Variants in ZDHHC14 observed in about 807,000 individuals in gnomAD.
ZDHHC14 encodes palmitoyltransferase ZDHHC14.
In ZDHHC14, 16 loss-of-function variants were observed where a neutral mutation model predicts 47.7. The observed-to-expected ratio is 0.34, with a 90% confidence interval of 0.23 to 0.51. The LOEUF (loss-of-function observed/expected upper bound fraction) is 0.51. Ranked by LOEUF, ZDHHC14 falls within the 20% of genes least tolerant of loss-of-function variation. The pLI is 0.97. For missense variants in ZDHHC14, 515 were observed against 662.5 expected, an observed-to-expected ratio of 0.78 and a Z score of 2.44; for synonymous variants, 293 against 278.9, an observed-to-expected ratio of 1.05 and a Z score of -0.50.
At chr6:157,422,896 AC>A (rs1373995860) in intron 1 of ZDHHC14, among the ~76,000 whole-genome samples, 1 of 152,204 alleles carries the variant, frequency 6.6e-6, no homozygotes, top group African/African-American at 2.4e-5. Flanking sequence ...GTCAAGGAGC[AC>A]AGATCTGTGT....
chr6:157,659,351 C>T (rs144606531), intron 8 of ZDHHC14, among the ~76,000 whole-genome samples: 27 of 152,342 alleles, frequency 1.8e-4, no homozygotes, highest in African/African-American at 5.3e-4. Flanking sequence ...CGAGTTCCAG[C>T]GTGGTCTCCG....
chr6:157,625,225 A>G lies in ZDHHC14; in HGVS notation c.566-3124A>G, dbSNP rs1452631963. 2.6e-5 allele frequency among the ~76,000 whole-genome samples: 4 copies of G among 152,260 alleles called. No individual in the cohort carries two copies. In the East Asian group the frequency reaches 7.7e-4, roughly 29 times the overall value. ...CAGATGAAGCCAGGGTAAAGCCGAT[A>G]GGACTTGCTCATGGTTTGGATGTGG... is the stretch of plus-strand genomic sequence containing the variant. On this transcript the variant is annotated intron_variant, in intron 3 of 8. Coordinates refer to ENST00000359775, the MANE Select transcript of ZDHHC14 (RefSeq NM_024630.3).
Position 157,623,596 on chromosome 6 carries a change from G to A in ZDHHC14, c.566-4753G>A, listed in dbSNP as rs181855251. Among the ~76,000 whole-genome samples, 36 of 135,406 alleles carry A rather than the reference G, an allele frequency of 2.7e-4. 1 individual carries two copies. The East Asian group carries it at 4.5e-3, about 17-fold the overall frequency. 88.8% of individuals were successfully genotyped at this position (135,406 alleles called of 152,430 possible). ...CTTGCTCTGTCGCTCAGGCTTTAGT[G>A]CAGTGGCATGATCTCAGCTCACTGC... On this transcript the variant is annotated intron_variant, in intron 3 of 8. Coordinates refer to ENST00000359775, the MANE Select transcript of ZDHHC14 (RefSeq NM_024630.3).
chr6:157,675,765 A>C lies in ZDHHC14; in HGVS notation c.*2643A>C, dbSNP rs935555939. The C allele has an allele frequency of 6.6e-6, 1 of 152,214 alleles. No homozygotes were observed. Among genetic ancestry groups the C allele is most frequent in the Non-Finnish European group, 1.5e-5 (1 of 68,036 alleles). The allele number at this position is 152,214 out of a possible 1,614,324, so 9.4% of individuals were successfully genotyped here. ...GACATGTACATAAATATAAATACTT[A>C]TGTTTATAAATGTTGAATGGTTCCT... is the stretch of plus-strand genomic sequence containing the variant. On this transcript the variant is annotated 3_prime_UTR_variant, in exon 9 of 9. Coordinates refer to ENST00000359775, the MANE Select transcript of ZDHHC14 (RefSeq NM_024630.3).
At chr6:157,652,691 G>A (rs966995747) in intron 7 of ZDHHC14, among the ~76,000 whole-genome samples, 7 of 152,192 alleles carry the variant, frequency 4.6e-5, no homozygotes, top group Non-Finnish European at 8.8e-5. Flanking sequence ...AGAATTTTGC[G>A]CAGCACCCGC....
At chr6:157,437,887 T>G (rs1039181635) in intron 1 of ZDHHC14, among the ~76,000 whole-genome samples, 1 of 152,062 alleles carries the variant, frequency 6.6e-6, no homozygotes, top group African/African-American at 2.4e-5. Context: ...GACCTTAGTA[T>G]TTACATGGGA....
intron 1 of ZDHHC14, among the ~76,000 whole-genome samples, chr6:157,481,999 G>A (rs967714929): frequency 1.3e-5 from 2 of 152,152 alleles, no homozygotes; most frequent in African/African-American, 4.8e-5. Context: ...AGAGTACATC[G>A]CAATTGTTGA....
At chr6:157,462,105 A>C (rs9346775) in intron 1 of ZDHHC14, among the ~76,000 whole-genome samples, 117,806 of 152,128 alleles carry the variant, frequency 0.77, 45,923 homozygotes, top group East Asian at 0.92. Flanking sequence ...GAGTTCACAT[A>C]GTTTCTGAGC....
intron 2 of ZDHHC14, among the ~76,000 whole-genome samples, chr6:157,550,424 G>A (rs1368317884): frequency 6.6e-6 from 1 of 151,328 alleles, no homozygotes; most frequent in African/African-American, 2.4e-5. Context: ...AGAGACCACA[G>A]TGTCACACAC....
Position 157,488,840 on chromosome 6 carries a change from C to T in ZDHHC14, c.246-53745C>T, listed in dbSNP as rs144453849. Among the ~76,000 whole-genome samples, 316 of 152,320 alleles carry T rather than the reference C, an allele frequency of 2.1e-3. 2 individuals are homozygous for T. The highest frequency in any genetic ancestry group is 7.1e-3 in the African/African-American group (294 of 41,576). ...GGCGCAGGGCACCCCGCCCCCCTTC[C>T]CAGGAGTTTGCATTCTGAGCCGCGG... On this transcript the variant is annotated intron_variant, in intron 1 of 8. Transcript: ENST00000359775.
chr6:157,627,247 A>G (rs528948478), intron 3 of ZDHHC14, among the ~76,000 whole-genome samples: 2 of 152,300 alleles, frequency 1.3e-5, no homozygotes, highest in South Asian at 4.1e-4. Context: ...ATAATGTTTT[A>G]TTTATATGGT....
At chr6:157,635,285 G>C (rs533284842) in intron 5 of ZDHHC14, among the ~76,000 whole-genome samples, 25 of 152,168 alleles carry the variant, frequency 1.6e-4, no homozygotes, top group Non-Finnish European at 2.6e-4. Flanking sequence ...GAGCTACCGC[G>C]CCCAGCCACT....
At chr6:157,611,674 C>T (rs1329981161) in intron 3 of ZDHHC14, among the ~76,000 whole-genome samples, 1 of 152,188 alleles carries the variant, frequency 6.6e-6, no homozygotes, top group Non-Finnish European at 1.5e-5. Context: ...AAGTGCTCAC[C>T]TTATTTCTGC....
At chr6:157,608,704 A>G (rs1784641389) in intron 3 of ZDHHC14, among the ~76,000 whole-genome samples, 1 of 152,192 alleles carries the variant, frequency 6.6e-6, no homozygotes, top group Non-Finnish European at 1.5e-5. Context: ...AAGCCACGCA[A>G]AAGAGTTTTG....
chr6:157,663,158 G>T (rs1778414488), intron 8 of ZDHHC14, among the ~76,000 whole-genome samples: 1 of 152,264 alleles, frequency 6.6e-6, no homozygotes, highest in African/African-American at 2.4e-5. Flanking sequence ...AACCCAGGTT[G>T]CTTCTGGAAG....
At chr6:157,571,837 G>A (rs1783110331) in intron 2 of ZDHHC14, among the ~76,000 whole-genome samples, 1 of 139,786 alleles carries the variant, frequency 7.2e-6, no homozygotes, top group African/African-American at 2.7e-5. Flanking sequence ...AATGGTGCTT[G>A]GGGCGGGGAC....
At chr6:157,546,440 T>C (rs1422307700) in intron 2 of ZDHHC14, among the ~76,000 whole-genome samples, 1 of 152,202 alleles carries the variant, frequency 6.6e-6, no homozygotes, top group Non-Finnish European at 1.5e-5. Flanking sequence ...TTGCCAAGGA[T>C]TTAAACAGCT....
intron 1 of ZDHHC14, among the ~76,000 whole-genome samples, chr6:157,415,735 A>G (rs1427610049): frequency 6.6e-6 from 1 of 152,048 alleles, no homozygotes; most frequent in African/African-American, 2.4e-5. Flanking sequence ...ATTAGCCTTC[A>G]TGGTAGCATG....
At chr6:157,600,750 A>C (rs1784306948) in intron 3 of ZDHHC14, among the ~76,000 whole-genome samples, 1 of 152,142 alleles carries the variant, frequency 6.6e-6, no homozygotes, top group Non-Finnish European at 1.5e-5. Flanking sequence ...TCCAGATTGG[A>C]AGGTGTGGTA....
Sources: gnomAD v4.1 joint callset for allele counts (sites outside exome capture counted in the v4.1 genomes callset) on GRCh38, gnomAD v4.1.1 for gene constraint, MANE v1.5 for transcripts, NCBI Gene and HGNC (gene_info 2026-07-23, HGNC 2026-07-21) for gene names.